IGF1R: variants seen among roughly 807,000 people sequenced by gnomAD.
IGF1R encodes insulin like growth factor 1 receptor, also known as insulin-like growth factor 1 receptor.
IGF1R carries 44 observed loss-of-function variants against 144.6 expected under a neutral mutation model. The ratio of observed to expected loss-of-function variants is 0.30; its 90% CI spans 0.24 to 0.39. The LOEUF (loss-of-function observed/expected upper bound fraction) is 0.39. Among genes scored for constraint, IGF1R ranks in the 10% least tolerant of loss-of-function variants. The pLI, the probability that IGF1R is intolerant of heterozygous loss-of-function variation, is 1.00. For synonymous variants in IGF1R, 795 were observed against 722.8 expected (o/e 1.10, Z -1.60); for missense variants, 1,355 against 1,833.7 (o/e 0.74, Z 4.77).
intron 2 of IGF1R, among the ~76,000 whole-genome samples, chr15:98,726,712 ATT>A (rs756622481): frequency 0.047 from 4,391 of 92,732 alleles, 98 homozygotes; most frequent in African/African-American, 0.15. Context: ...TACATTGATG[ATT>A]TTTTTTTTTT....
Position 98,913,069 on chromosome 15 carries a change from G to A in IGF1R, c.1615G>A (p.Asp539Asn). 1 of 1,614,054 alleles carries A rather than the reference G, an allele frequency of 6.2e-7. No individual in the cohort carries two copies. The highest frequency in any genetic ancestry group is 8.5e-7 in the Non-Finnish European group (1 of 1,179,890). The change falls in exon 8 of 21, where the codon GAT becomes AAT. Residue 539 changes from aspartate to asparagine, a missense_variant. By Grantham distance (23) the Asp-to-Asn change is conservative (BLOSUM62 1). This residue lies in a region of IGF1R where 880 missense variants were observed against 1,202.7 expected (regional missense o/e 0.73). Transcript: ENST00000650285. ...EAPFKNVTEY[D>N]GQDACGSNSW... The stretch of plus-strand genomic sequence containing the variant: ...ACCCTTTAAGAATGTCACAGAGTAT[G>A]ATGGGCAGGATGCCTGCGGCTCCAA...
intron 2 of IGF1R, among the ~76,000 whole-genome samples, chr15:98,810,876 G>C (rs78027244): frequency 0.012 from 1,876 of 152,136 alleles, 50 homozygotes; most frequent in African/African-American, 0.044. Context: ...GTGTAATTCA[G>C]GAGTTGGCAA....
intron 1 of IGF1R, among the ~76,000 whole-genome samples, chr15:98,694,396 G>T (rs1271959659): frequency 6.6e-6 from 1 of 152,122 alleles, no homozygotes; most frequent in Non-Finnish European, 1.5e-5. Flanking sequence ...GCCATAGGAA[G>T]GCTTAGGGAT....
chr15:98,919,945 C>T (rs1210561596), intron 10 of IGF1R, among the ~76,000 whole-genome samples: 2 of 152,156 alleles, frequency 1.3e-5, no homozygotes, highest in Non-Finnish European at 2.9e-5. Context: ...AGATTTAGTT[C>T]CTTATAAATT....
At chr15:98,776,073 G>A (rs765037005) in intron 2 of IGF1R, among the ~76,000 whole-genome samples, 2 of 152,162 alleles carry the variant, frequency 1.3e-5, no homozygotes, top group Non-Finnish European at 2.9e-5. Flanking sequence ...GCTTTTGACT[G>A]ACTTTGGTTT....
intron 2 of IGF1R, among the ~76,000 whole-genome samples, chr15:98,736,596 A>C (rs938035846): frequency 8.6e-5 from 13 of 150,676 alleles, no homozygotes; most frequent in African/African-American, 2.9e-4. Flanking sequence ...ATTAGTGGGA[A>C]TATTTTCTTT....
chr15:98,848,593 C>T (rs1388644398), intron 2 of IGF1R, among the ~76,000 whole-genome samples: 2 of 152,228 alleles, frequency 1.3e-5, no homozygotes, highest in East Asian at 1.9e-4. Context: ...CAGAATTCTT[C>T]CATGGCCACC....
At chr15:98,722,466 T>C (rs1289976392) in intron 2 of IGF1R, among the ~76,000 whole-genome samples, 4 of 152,172 alleles carry the variant, frequency 2.6e-5, no homozygotes, top group Non-Finnish European at 2.9e-5. Flanking sequence ...ATTTGGAATG[T>C]GGAGTATACT....
chr15:98,705,661 A>G (rs969193169), intron 1 of IGF1R, among the ~76,000 whole-genome samples: 3 of 152,042 alleles, frequency 2.0e-5, no homozygotes, highest in African/African-American at 4.8e-5. Context: ...TCTCTTCGCT[A>G]TCTCTGCTCA....
At chr15:98,819,482 G>T (rs561788224) in intron 2 of IGF1R, among the ~76,000 whole-genome samples, 17 of 152,212 alleles carry the variant, frequency 1.1e-4, no homozygotes, top group Admixed American at 1.0e-3. Flanking sequence ...TCTGCTAGAA[G>T]GTGCCCTCCG....
chr15:98,768,312 T>TAAA (rs2055487252), intron 2 of IGF1R, among the ~76,000 whole-genome samples: 1 of 152,030 alleles, frequency 6.6e-6, no homozygotes, highest in African/African-American at 2.4e-5. Context: ...GGTATCAAAT[T>TAAA]TTAAAGTAAA....
intron 1 of IGF1R, among the ~76,000 whole-genome samples, chr15:98,701,027 A>T (rs2053718301): frequency 6.6e-6 from 1 of 152,078 alleles, no homozygotes; most frequent in Non-Finnish European, 1.5e-5. Context: ...AATCATTTTG[A>T]CTTTCACAGA....
chr15:98,690,409 G>C (rs12912398), intron 1 of IGF1R, among the ~76,000 whole-genome samples: 2 of 152,118 alleles, frequency 1.3e-5, no homozygotes, highest in African/African-American at 4.8e-5. Flanking sequence ...AACATGCCAG[G>C]CCCCTCCTCC....
intron 2 of IGF1R, among the ~76,000 whole-genome samples, chr15:98,744,459 G>T (rs1450078525): frequency 1.3e-5 from 2 of 152,146 alleles, no homozygotes; most frequent in Non-Finnish European, 2.9e-5. Flanking sequence ...AATACTGTGG[G>T]GAGGGGAGGA....
intron 2 of IGF1R, among the ~76,000 whole-genome samples, chr15:98,830,512 G>T (rs1213067689): frequency 1.3e-5 from 2 of 151,998 alleles, no homozygotes; most frequent in African/African-American, 4.8e-5. Context: ...ACCCAAGACT[G>T]GGTAATTTAT....
In IGF1R at chr15:98,799,485, A is replaced by G. The variant is rs147610909; in HGVS notation, c.640+91378A>G. Among the ~76,000 whole-genome samples, 7 of 152,298 alleles carry G rather than the reference A, an allele frequency of 4.6e-5. No homozygotes were observed. In the East Asian group the frequency reaches 1.3e-3, roughly 29 times the overall value. On this transcript the variant is annotated intron_variant, in intron 2 of 20. Coordinates refer to ENST00000650285, the MANE Select transcript of IGF1R (RefSeq NM_000875.5). ...GTTAAGACTTGCTTATTTTGCTCTC[A>G]GCTTGCTATCTTGATATGTTTGCCT...
chr15:98,785,019 A>ATG (rs945975234), intron 2 of IGF1R, among the ~76,000 whole-genome samples: 1 of 152,216 alleles, frequency 6.6e-6, no homozygotes, highest in Non-Finnish European at 1.5e-5. Flanking sequence ...ACAGAAGTTC[A>ATG]TGTGTATATA....
intron 1 of IGF1R, among the ~76,000 whole-genome samples, chr15:98,698,088 G>A (rs2053638220): frequency 6.8e-6 from 1 of 147,984 alleles, no homozygotes; most frequent in Non-Finnish European, 1.5e-5. Flanking sequence ...GCCCAGGCTG[G>A]AGTGCCGTGG....
chr15:98,880,398 A>G (rs573985605), intron 2 of IGF1R, among the ~76,000 whole-genome samples: 10 of 152,098 alleles, frequency 6.6e-5, no homozygotes, highest in South Asian at 4.2e-4. Context: ...TTTTTTCTCA[A>G]TACTCTGCCC....
Sources: allele counts gnomAD v4.1 joint callset (sites outside exome capture counted in the v4.1 genomes callset), GRCh38; gene constraint gnomAD v4.1.1; regional missense constraint gnomAD v4.1.1; transcripts MANE v1.5; gene names NCBI Gene and HGNC (gene_info 2026-07-23, HGNC 2026-07-21).